The following TEAD1 variants were observed in gnomAD, a reference collection of about 807,000 sequenced individuals.
The protein encoded by TEAD1 is TEA domain transcription factor 1.
In TEAD1, 9 loss-of-function variants were observed where a neutral mutation model predicts 54.9. The ratio of observed to expected loss-of-function variants is 0.16; its 90% CI spans 0.10 to 0.29. The LOEUF is 0.29. Among genes scored for constraint, TEAD1 ranks in the 10% least tolerant of loss-of-function variants. The probability of loss-of-function intolerance (pLI) is 1.00; values close to 1 mark genes in which losing one functional copy is unlikely to be tolerated. For missense variants in TEAD1, 387 were observed against 535.9 expected (o/e 0.72, Z 2.74); for synonymous variants, 200 against 187.8 (o/e 1.07, Z -0.53).
chr11:12,692,674 C>T (rs1390239414), intron 2 of TEAD1, among the ~76,000 whole-genome samples: 5 of 152,180 alleles, frequency 3.3e-5, no homozygotes, highest in African/African-American at 4.8e-5. Flanking sequence ...TTCTGTGCCC[C>T]GCGGTAAACT....
intron 8 of TEAD1, 78 bp from the exon 9 acceptor site, chr11:12,882,923 A>C: frequency 3.1e-6 from 5 of 1,609,216 alleles, no homozygotes; most frequent in Non-Finnish European, 4.3e-6. Flanking sequence ...GGTCATCTGT[A>C]GAGCCCTGTT....
At chr11:12,843,455 C>T (rs1947080506) in intron 3 of TEAD1, among the ~76,000 whole-genome samples, 1 of 152,208 alleles carries the variant, frequency 6.6e-6, no homozygotes, top group Non-Finnish European at 1.5e-5. Context: ...TTATAGTCAG[C>T]TACGAAGTAA....
At chr11:12,692,055 G>T (rs1297008891) in intron 2 of TEAD1, among the ~76,000 whole-genome samples, 1 of 152,184 alleles carries the variant, frequency 6.6e-6, no homozygotes, top group Admixed American at 6.5e-5. Context: ...CATAGCTATT[G>T]TTTTAGTGCT....
At chr11:12,827,292 C>A (rs572558408) in intron 3 of TEAD1, among the ~76,000 whole-genome samples, 1 of 152,316 alleles carries the variant, frequency 6.6e-6, no homozygotes, top group Non-Finnish European at 1.5e-5. Flanking sequence ...CTCCTAGGGG[C>A]TTTCTCAGTG....
In TEAD1 at chr11:12,787,085, C is replaced by T. The variant is rs114780047; in HGVS notation, c.202+22651C>T. 8.5e-3 allele frequency among the ~76,000 whole-genome samples: 1,292 copies of T among 152,138 alleles called. 21 individuals are homozygous for T. The highest frequency in any genetic ancestry group is 0.03 in the African/African-American group (1,228 of 41,508). On this transcript the variant is annotated intron_variant, in intron 3 of 12. Transcript: ENST00000527636. ...TAAGGATATGGGCTTTCACTCTGAG[C>T]GGGAGTGTGATCTGATTAGGTTTTG...
intron 11 of TEAD1, among the ~76,000 whole-genome samples, chr11:12,928,781 A>G (rs891066261): frequency 1.3e-5 from 2 of 152,256 alleles, no homozygotes; most frequent in Non-Finnish European, 2.9e-5. Context: ...ATGGTGTATA[A>G]CATGATGTTG....
At chr11:12,772,256 G>A (rs74868229) in intron 3 of TEAD1, among the ~76,000 whole-genome samples, 7 of 152,170 alleles carry the variant, frequency 4.6e-5, no homozygotes, top group South Asian at 2.1e-4. Flanking sequence ...AAGGAGACAC[G>A]GTATCCTGAA....
intron 3 of TEAD1, 58 bp from the exon 4 acceptor site, chr11:12,862,192 G>A: frequency 1.4e-6 from 2 of 1,424,264 alleles, no homozygotes; most frequent in Non-Finnish European, 9.9e-7. Context: ...GCTTTCAAGG[G>A]CTTTGTTGGT....
chr11:12,829,853 G>T (rs561634915), intron 3 of TEAD1, among the ~76,000 whole-genome samples: 1 of 152,220 alleles, frequency 6.6e-6, no homozygotes, highest in Non-Finnish European at 1.5e-5. Flanking sequence ...TCAAGGGGCT[G>T]TTGAGGCCAT....
chr11:12,809,895 A>AG (rs1343247423), intron 3 of TEAD1, among the ~76,000 whole-genome samples: 1 of 151,792 alleles, frequency 6.6e-6, no homozygotes, highest in Non-Finnish European at 1.5e-5. Flanking sequence ...TGAGGCATGA[A>AG]GGAGGCCTTT....
chr11:12,684,375 C>T (rs2133815292), intron 2 of TEAD1, among the ~76,000 whole-genome samples: 1 of 152,308 alleles, frequency 6.6e-6, no homozygotes, highest in Non-Finnish European at 1.5e-5. Flanking sequence ...GCTTGAAAGC[C>T]ACACTCCTAA....
intron 2 of TEAD1, among the ~76,000 whole-genome samples, chr11:12,751,590 C>T (rs1223429210): frequency 6.6e-6 from 1 of 152,084 alleles, no homozygotes; most frequent in African/African-American, 2.4e-5. Context: ...ATATCCAGTG[C>T]TTGGGACATA....
intron 4 of TEAD1, among the ~76,000 whole-genome samples, chr11:12,863,011 C>CA (rs1299111637): frequency 2.1e-5 from 3 of 145,460 alleles, no homozygotes; most frequent in African/African-American, 7.6e-5. Context: ...TAACTAAAAA[C>CA]AAAAAAAAGA....
intron 2 of TEAD1, among the ~76,000 whole-genome samples, chr11:12,707,710 CCCTAATTG>C (rs796936506): frequency 8.3e-4 from 126 of 152,298 alleles, no homozygotes; most frequent in African/African-American, 2.9e-3. Flanking sequence ...GGCTCTTTAG[CCCTAATTG>C]CCTTTCTTTT....
chr11:12,889,552 C>A (rs1306291910), intron 9 of TEAD1, among the ~76,000 whole-genome samples: 1 of 151,964 alleles, frequency 6.6e-6, no homozygotes, highest in African/African-American at 2.4e-5. Context: ...AGTTACACAA[C>A]CAGAGGAGGG....
intron 3 of TEAD1, among the ~76,000 whole-genome samples, chr11:12,798,475 A>G (rs1486414783): frequency 1.3e-5 from 2 of 152,246 alleles, no homozygotes; most frequent in Admixed American, 6.5e-5. Flanking sequence ...TTAAACTGCC[A>G]TCTTCAAGGT....
chr11:12,844,151 CT>C (rs1033770321), intron 3 of TEAD1, among the ~76,000 whole-genome samples: 1 of 151,716 alleles, frequency 6.6e-6, no homozygotes, highest in Non-Finnish European at 1.5e-5. Flanking sequence ...TGACTTAAAG[CT>C]TTTTTTTGTT....
intron 2 of TEAD1, among the ~76,000 whole-genome samples, chr11:12,693,995 GTCAA>G (rs1488148429): frequency 6.6e-6 from 1 of 152,208 alleles, no homozygotes; most frequent in African/African-American, 2.4e-5. Context: ...AGGCACTTGA[GTCAA>G]TTTACTGAAA....
chr11:12,916,504 A>G (rs1948715174), intron 10 of TEAD1, among the ~76,000 whole-genome samples: 1 of 152,210 alleles, frequency 6.6e-6, no homozygotes, highest in Non-Finnish European at 1.5e-5. Flanking sequence ...GAGTGATGAT[A>G]GGTATTGTTA....
Sources: allele counts gnomAD v4.1 joint callset (sites outside exome capture counted in the v4.1 genomes callset), GRCh38; gene constraint gnomAD v4.1.1; transcripts MANE v1.5; gene names NCBI Gene and HGNC (gene_info 2026-07-23, HGNC 2026-07-21).